Variants in PSMF1 observed in about 807,000 individuals in gnomAD.
The protein encoded by PSMF1 is proteasome inhibitor subunit 1, also known as proteasome inhibitor PI31 subunit.
In PSMF1, 30 loss-of-function variants were observed where a neutral mutation model predicts 29.3. The ratio of observed to expected loss-of-function variants is 1.02; its 90% CI spans 0.77 to 1.39. The LOEUF is 1.39. PSMF1 is among the 40% of genes most tolerant of loss of function. The pLI is 0.00. For synonymous variants in PSMF1, 134 were observed against 139.7 expected, an observed-to-expected ratio of 0.96 and a Z score of 0.29; for missense variants, 344 against 357.5, an observed-to-expected ratio of 0.96 and a Z score of 0.31.
chr20:1,133,570 T>TATATATATATATATATA (rs1555760108), intron 3 of PSMF1, among the ~76,000 whole-genome samples: 48 of 63,112 alleles, frequency 7.6e-4, no homozygotes, highest in South Asian at 1.1e-3. Context: ...TATATATATA[T>TATATATATATATATATA]TTTTTTTTTT....
At chr20:1,132,976 T>TG (rs2086250426) in intron 3 of PSMF1, among the ~76,000 whole-genome samples, 2 of 150,368 alleles carry the variant, frequency 1.3e-5, no homozygotes, top group South Asian at 2.1e-4. Context: ...TTTGTTTTTT[T>TG]TTTTTTTTGG....
chr20:1,165,072 T>C lies in PSMF1; in HGVS notation c.808T>C (p.Tyr270His), dbSNP rs777492424. 165 of 1,614,052 alleles carry C rather than the reference T, an allele frequency of 1.0e-4. No individual in the cohort carries two copies. Among genetic ancestry groups the C allele is most frequent in the Non-Finnish European group, 1.3e-4 (154 of 1,180,044 alleles). ...HLPPPGYDDM[Y>H]L ...CCCCCCGCCGGGCTACGATGACATG[T>C]ACCTGTGAAGGCCTCAAGAATGTAA... The change falls in exon 7 of 7, where the codon TAC becomes CAC. Residue 270 changes from tyrosine (Y) to histidine (H), a missense_variant. By Grantham distance (83) the Tyr-to-His change is moderately conservative (BLOSUM62 2). Coordinates refer to ENST00000335877, the MANE Select transcript of PSMF1 (RefSeq NM_006814.5).
intron 3 of PSMF1, among the ~76,000 whole-genome samples, chr20:1,133,834 A>G (rs56739399): frequency 2.0e-3 from 298 of 151,590 alleles, no homozygotes; most frequent in African/African-American, 6.7e-3. Context: ...CAGATTATCT[A>G]TTTCATTTTG....
intron 4 of PSMF1, among the ~76,000 whole-genome samples, chr20:1,142,471 C>T (rs2086395919): frequency 6.7e-6 from 1 of 149,510 alleles, no homozygotes; most frequent in Non-Finnish European, 1.5e-5. Flanking sequence ...CTTCCTGTGT[C>T]CAAGTGTTCT....
intron 4 of PSMF1, among the ~76,000 whole-genome samples, chr20:1,144,454 C>G (rs1471350824): frequency 6.6e-6 from 1 of 152,158 alleles, no homozygotes; most frequent in Non-Finnish European, 1.5e-5. Context: ...GAAAATTGTG[C>G]CCACAGAAAA....
At position 1,166,005 on chromosome 20, in the gene PSMF1, A is replaced by AAAT; in HGVS notation, c.*927_*928insTAA. ...TCATTCTGTGTTTGGTAACCCCTAT[A>AAAT]AACTGGGGCAGAGGAAAAGAATGAT... On this transcript the variant is annotated 3_prime_UTR_variant, in exon 7 of 7. Transcript: ENST00000335877. 1 of 1,424,556 alleles carries AAAT rather than the reference A, an allele frequency of 7.0e-7. No homozygotes were observed. The highest frequency in any genetic ancestry group is 9.2e-7 in the Non-Finnish European group (1 of 1,089,904). The allele number at this position is 1,424,556 out of a possible 1,614,324, so 88.2% of individuals were successfully genotyped here.
intron 4 of PSMF1, among the ~76,000 whole-genome samples, chr20:1,155,667 T>C (rs112780597): frequency 6.6e-6 from 1 of 152,170 alleles, no homozygotes; most frequent in Non-Finnish European, 1.5e-5. Context: ...TCAAAGACTT[T>C]AGAATATAAG....
Position 1,118,632 on chromosome 20 carries a change from T to C in PSMF1, c.-142T>C. On this transcript the variant is annotated 5_prime_UTR_variant, in exon 1 of 7. Transcript: ENST00000335877. Reference sequence around the variant, plus strand: ...CCCCGCCCCGCCCCGTCCCCGGGCGTCTCCATTTTGGTCTCAGGTGTGGAC... The same window carrying C: ...CCCCGCCCCGCCCCGTCCCCGGGCGCCTCCATTTTGGTCTCAGGTGTGGAC... 9.8e-7 allele frequency: 1 copy of C among 1,016,588 alleles called. No homozygotes were observed. Among genetic ancestry groups the C allele is most frequent in the Non-Finnish European group, 1.4e-6 (1 of 732,678 alleles). 63.0% of individuals were successfully genotyped at this position (1,016,588 alleles called of 1,614,324 possible).
intron 4 of PSMF1, among the ~76,000 whole-genome samples, chr20:1,150,325 A>G (rs2086512567): frequency 6.6e-6 from 1 of 152,142 alleles, no homozygotes; most frequent in Non-Finnish European, 1.5e-5. Flanking sequence ...GATGTGGGTG[A>G]GTGAGTGGTA....
In PSMF1 at chr20:1,168,701, C is replaced by T. The variant is rs549738625; in HGVS notation, c.*3621C>T. Among the ~76,000 whole-genome samples the T allele has an allele frequency of 1.4e-4, 21 of 152,318 alleles. No individual in the cohort carries two copies. The South Asian group carries it at 3.3e-3, about 24-fold the overall frequency. ...AGCCTCACTCTTTGGAACCTAGTTTCTCCTATGGCCTCCCTTTCTACTGTT... is the reference window on the plus strand; with the variant it reads ...AGCCTCACTCTTTGGAACCTAGTTTTTCCTATGGCCTCCCTTTCTACTGTT... On this transcript the variant is annotated 3_prime_UTR_variant, in exon 7 of 7. Transcript: ENST00000335877.
At chr20:1,118,547 G>A (rs1272553484), upstream of PSMF1, 5 of 468,034 alleles carry the variant, frequency 1.1e-5, no homozygotes, top group East Asian at 7.0e-5. Flanking sequence ...TGCTGCGCTC[G>A]CGTTGCCAAC....
chr20:1,165,062 C>T lies in PSMF1; in HGVS notation c.798C>T (p.Tyr266=), dbSNP rs1237827371. Residue 266 remains tyrosine, a synonymous_variant, in exon 7 of 7, where the codon TAC becomes TAT. Transcript: ENST00000335877. Reference sequence around the variant, plus strand: ...CAGACCATCTCCCCCCGCCGGGCTACGATGACATGTACCTGTGAAGGCCTC... The same window carrying T: ...CAGACCATCTCCCCCCGCCGGGCTATGATGACATGTACCTGTGAAGGCCTC... ...PNPDHLPPPG[Y]DDMYL is the part of the protein sequence containing the mutation. 5.0e-6 allele frequency: 8 copies of T among 1,614,046 alleles called. No homozygotes were observed. Among genetic ancestry groups the T allele is most frequent in the Middle Eastern group, 1.6e-4 (1 of 6,084 alleles).
upstream of PSMF1, among the ~76,000 whole-genome samples, chr20:1,113,728 T>C (rs1044148952): frequency 6.6e-6 from 1 of 152,308 alleles, no homozygotes; most frequent in African/African-American, 2.4e-5. Flanking sequence ...CGTCTCGCTC[T>C]GTCGCCCAGG....
upstream of PSMF1, among the ~76,000 whole-genome samples, chr20:1,116,991 C>G (rs768454927): frequency 3.1e-4 from 47 of 152,170 alleles, no homozygotes; most frequent in Non-Finnish European, 6.6e-4. Flanking sequence ...GGCTGGGAAG[C>G]TACTGCAATA....
chr20:1,145,992 T>C (rs2086444329), intron 4 of PSMF1, among the ~76,000 whole-genome samples: 2 of 152,218 alleles, frequency 1.3e-5, no homozygotes, highest in African/African-American at 4.8e-5. Context: ...CACCCATTGC[T>C]TGGACCTGTG....
chr20:1,125,377 C>G, intron 1 of PSMF1, 121 bp from the exon 2 acceptor site: 1 of 1,119,286 alleles, frequency 8.9e-7, no homozygotes. Flanking sequence ...AGTCATTTCT[C>G]TTGACCTCCA....
At chr20:1,136,696 T>C (rs1475813700) in intron 4 of PSMF1, among the ~76,000 whole-genome samples, 1 of 152,252 alleles carries the variant, frequency 6.6e-6, no homozygotes, top group Non-Finnish European at 1.5e-5. Context: ...TACACCTGTA[T>C]GTGGAATTAT....
chr20:1,135,203 A>T lies in PSMF1; in HGVS notation c.448A>T (p.Asn150Tyr). Reference sequence around the variant, plus strand: ...TATCCATGAGCAGTGGGAAAAGGCTAATGTAAGCAGTCCCCACCGGGAGTT... The same window carrying T: ...TATCCATGAGCAGTGGGAAAAGGCTTATGTAAGCAGTCCCCACCGGGAGTT... Reference protein sequence around the residue: ...TPIHEQWEKANVSSPHREFPP... With the variant: ...TPIHEQWEKAYVSSPHREFPP... Residue 150 changes from asparagine (N) to tyrosine (Y), a missense_variant, in exon 4 of 7, where the codon AAT becomes TAT. Physicochemically the swap from Asn to Tyr is moderately radical, Grantham distance 143. Transcript: ENST00000335877. 1 of 1,614,070 alleles carries T rather than the reference A, an allele frequency of 6.2e-7. No homozygotes were observed. Among genetic ancestry groups the T allele is most frequent in the Non-Finnish European group, 8.5e-7 (1 of 1,179,990 alleles).
chr20:1,158,486 C>G (rs2086622346), intron 4 of PSMF1, among the ~76,000 whole-genome samples: 1 of 152,206 alleles, frequency 6.6e-6, no homozygotes, highest in South Asian at 2.1e-4. Flanking sequence ...TCTCTGACTC[C>G]CAGTCCTGAG....
Sources: allele counts gnomAD v4.1 joint callset (sites outside exome capture counted in the v4.1 genomes callset), GRCh38; gene constraint gnomAD v4.1.1; transcripts MANE v1.5; gene names NCBI Gene and HGNC (gene_info 2026-07-23, HGNC 2026-07-21).